ST7: variants seen among roughly 807,000 people sequenced by gnomAD.
ST7 encodes the protein suppressor of tumorigenicity 7 protein.
Under a neutral mutation model 78.7 loss-of-function variants are expected in ST7, and 28 were observed. That is an observed-to-expected ratio of 0.36 (90% CI 0.26 to 0.49). The LOEUF (loss-of-function observed/expected upper bound fraction) is 0.49, where lower values mean the gene tolerates loss of function less well. Among genes scored for constraint, ST7 ranks in the 20% least tolerant of loss-of-function variants. The probability of loss-of-function intolerance (pLI) is 0.99; values close to 1 mark genes in which losing one functional copy is unlikely to be tolerated. For missense variants in ST7, 418 were observed against 696.0 expected (o/e 0.60, Z 4.49); for synonymous variants, 247 against 249.6 (o/e 0.99, Z 0.10).
At chr7:117,014,737 C>T (rs1305406316) in intron 1 of ST7, among the ~76,000 whole-genome samples, 3 of 152,034 alleles carry the variant, frequency 2.0e-5, no homozygotes, top group Non-Finnish European at 4.4e-5. Context: ...TAGTTTTAAC[C>T]TAATAATTAA....
chr7:117,027,692 C>T (rs932735654), intron 1 of ST7, among the ~76,000 whole-genome samples: 12 of 151,906 alleles, frequency 7.9e-5, no homozygotes, highest in Non-Finnish European at 1.6e-4. Context: ...AGACAAGCCT[C>T]GGTAACAAAG....
chr7:117,069,323 C>T (rs1231260071), intron 1 of ST7, among the ~76,000 whole-genome samples: 1 of 152,110 alleles, frequency 6.6e-6, no homozygotes, highest in African/African-American at 2.4e-5. Context: ...TCATTTTTCA[C>T]TTTTTATTAT....
chr7:117,106,872 G>A (rs1054269474), intron 2 of ST7, among the ~76,000 whole-genome samples: 14 of 151,856 alleles, frequency 9.2e-5, no homozygotes, highest in Non-Finnish European at 1.8e-4. Context: ...CACCTGCCTC[G>A]GCCTCCCAAA....
At chr7:117,082,033 G>T (rs891370671) in intron 1 of ST7, among the ~76,000 whole-genome samples, 4 of 152,174 alleles carry the variant, frequency 2.6e-5, no homozygotes, top group Non-Finnish European at 5.9e-5. Flanking sequence ...GCGGCTGTCT[G>T]CAGGTCAGAT....
chr7:117,031,836 ATATCTATATCTATATCTATATC>A (rs1156855550), intron 1 of ST7, among the ~76,000 whole-genome samples: 2 of 121,504 alleles, frequency 1.6e-5, no homozygotes, highest in East Asian at 2.8e-4. Flanking sequence ...ATCTATATCT[ATATCTATATCTATATCTATATC>A]TATCTATCTA....
intron 12 of ST7, among the ~76,000 whole-genome samples, chr7:117,202,556 T>C (rs1810977299): frequency 6.6e-6 from 1 of 152,170 alleles, no homozygotes; most frequent in Non-Finnish European, 1.5e-5. Context: ...CTCTCACATT[T>C]AGTCAGGTGC....
chr7:117,106,689 C>T (rs1219272124), intron 2 of ST7, among the ~76,000 whole-genome samples: 3 of 140,550 alleles, frequency 2.1e-5, no homozygotes, highest in Non-Finnish European at 4.5e-5. Flanking sequence ...GGTGCTTTCT[C>T]GGCTCACTGC....
chr7:117,185,347 A>G (rs1286053260), intron 10 of ST7, among the ~76,000 whole-genome samples: 1 of 152,210 alleles, frequency 6.6e-6, no homozygotes, highest in Non-Finnish European at 1.5e-5. Flanking sequence ...GCTTCAGGCA[A>G]TTTGTAGAAC....
chr7:117,047,277 G>T (rs10262342), intron 1 of ST7, among the ~76,000 whole-genome samples: 2,259 of 152,240 alleles, frequency 0.015, 57 homozygotes, highest in African/African-American at 0.052. Flanking sequence ...AAACATTTAA[G>T]CAAAGAGGAT....
chr7:116,976,706 C>T (rs752208358), intron 1 of ST7, among the ~76,000 whole-genome samples: 1 of 152,142 alleles, frequency 6.6e-6, no homozygotes, highest in African/African-American at 2.4e-5. Context: ...AGTTATCTGG[C>T]AATGATGTGG....
chr7:117,150,231 C>T (rs1806144548), intron 9 of ST7, among the ~76,000 whole-genome samples: 2 of 152,174 alleles, frequency 1.3e-5, no homozygotes, highest in African/African-American at 4.8e-5. Flanking sequence ...TCTTCTGTGC[C>T]TCATGCCTTC....
intron 1 of ST7, among the ~76,000 whole-genome samples, chr7:116,973,989 G>A (rs1793570460): frequency 6.6e-6 from 1 of 152,100 alleles, no homozygotes; most frequent in Non-Finnish European, 1.5e-5. Context: ...ATTTGTGGGG[G>A]ACATTTTATT....
chr7:117,141,771 G>A (rs1469263615), intron 9 of ST7, among the ~76,000 whole-genome samples: 1 of 152,096 alleles, frequency 6.6e-6, no homozygotes, highest in African/African-American at 2.4e-5. Context: ...CCAAGCTCAA[G>A]TTGTTTCCCC....
intron 1 of ST7, among the ~76,000 whole-genome samples, chr7:117,045,692 A>G (rs1291256261): frequency 1.3e-5 from 2 of 152,210 alleles, no homozygotes. Flanking sequence ...AAGCTCCACA[A>G]GGACAAGGGT....
At chr7:117,140,710 C>CT (rs1483412384) in intron 9 of ST7, among the ~76,000 whole-genome samples, 1 of 151,852 alleles carries the variant, frequency 6.6e-6, no homozygotes, top group African/African-American at 2.4e-5. Flanking sequence ...TATTACGTTT[C>CT]TAAAAAAAAA....
At chr7:117,043,073 A>G (rs1797313028) in intron 1 of ST7, among the ~76,000 whole-genome samples, 1 of 152,218 alleles carries the variant, frequency 6.6e-6, no homozygotes, top group African/African-American at 2.4e-5. Context: ...TTTTTGTTTT[A>G]GAACTAATGT....
intron 12 of ST7, among the ~76,000 whole-genome samples, chr7:117,196,778 C>T (rs1281113738): frequency 6.6e-6 from 1 of 151,976 alleles, no homozygotes. Flanking sequence ...CTTTGCTACA[C>T]AGAAGCATTT....
At chr7:117,179,260 A>G (rs1005529673) in intron 10 of ST7, among the ~76,000 whole-genome samples, 9 of 152,254 alleles carry the variant, frequency 5.9e-5, no homozygotes, top group African/African-American at 2.2e-4. Flanking sequence ...GGAAGCTAAT[A>G]TCAAGATATT....
At chr7:117,132,852 A>G (rs959414345) in intron 6 of ST7, among the ~76,000 whole-genome samples, 1 of 151,868 alleles carries the variant, frequency 6.6e-6, no homozygotes, top group Admixed American at 6.6e-5. Context: ...TATGAAGGCC[A>G]GGAATAGAGC....
Sources: allele counts gnomAD v4.1 joint callset (sites outside exome capture counted in the v4.1 genomes callset), GRCh38; gene constraint gnomAD v4.1.1; transcripts MANE v1.5; gene names NCBI Gene and HGNC (gene_info 2026-07-23, HGNC 2026-07-21).